The following NF2 variants were observed in gnomAD, a reference collection of about 807,000 sequenced individuals.
NF2 encodes the protein NF2, moesin-ezrin-radixin like (MERLIN) tumor suppressor, also known as merlin.
NF2 carries 8 observed loss-of-function variants against 83.7 expected under a neutral mutation model. The observed-to-expected ratio is 0.10, with a 90% CI of 0.06 to 0.17. The LOEUF (loss-of-function observed/expected upper bound fraction) is 0.17, where lower values mean the gene tolerates loss of function less well. Among genes scored for constraint, NF2 ranks in the 10% least tolerant of loss-of-function variants. The pLI is 1.00. For synonymous variants in NF2, 266 were observed against 269.6 expected (o/e 0.99, Z 0.13); for missense variants, 533 against 744.4 (o/e 0.72, Z 3.31).
chr22:29,607,742 A>G (rs1265983246), intron 1 of NF2, among the ~76,000 whole-genome samples: 1 of 152,192 alleles, frequency 6.6e-6, no homozygotes, highest in Non-Finnish European at 1.5e-5. Context: ...TCACAGTACT[A>G]TATATATTCA....
At chr22:29,654,334 G>T (rs1345211121) in intron 4 of NF2, among the ~76,000 whole-genome samples, 1 of 152,174 alleles carries the variant, frequency 6.6e-6, no homozygotes, top group Non-Finnish European at 1.5e-5. Context: ...GTGATTTGGT[G>T]TTTTAATTCA....
At chr22:29,624,818 TTTCTTTCTTTC>T (rs2065307704) in intron 1 of NF2, among the ~76,000 whole-genome samples, 1 of 129,728 alleles carries the variant, frequency 7.7e-6, no homozygotes, top group African/African-American at 3.0e-5. Context: ...TCTTTCTTTC[TTTCTTTCTTTC>T]TTTCTTTCTT....
chr22:29,639,038 C>T (rs1360902022), intron 2 of NF2, 52 bp from the exon 3 acceptor site: 4 of 1,613,700 alleles, frequency 2.5e-6, no homozygotes, highest in Non-Finnish European at 3.4e-6. Context: ...GAGGGTAGCA[C>T]AGGAGGAAGT....
chr22:29,679,779 T>C (rs1449610358), intron 14 of NF2, among the ~76,000 whole-genome samples: 1 of 151,280 alleles, frequency 6.6e-6, no homozygotes, highest in Non-Finnish European at 1.5e-5. Flanking sequence ...GGTGGGAGGA[T>C]TGCTTGAGCC....
At chr22:29,641,089 C>T (rs767972618) in intron 3 of NF2, among the ~76,000 whole-genome samples, 1 of 152,154 alleles carries the variant, frequency 6.6e-6, no homozygotes, top group Non-Finnish European at 1.5e-5. Flanking sequence ...GCCGAGATTG[C>T]GCCATTGCAC....
intron 1 of NF2, among the ~76,000 whole-genome samples, chr22:29,605,196 C>T (rs933875439): frequency 1.3e-5 from 2 of 149,950 alleles, no homozygotes; most frequent in Admixed American, 1.3e-4. Flanking sequence ...CGCTCTGTCA[C>T]CCAGAGTGCA....
intron 14 of NF2, among the ~76,000 whole-genome samples, chr22:29,679,540 A>G (rs1160204138): frequency 6.6e-6 from 1 of 152,212 alleles, no homozygotes; most frequent in African/African-American, 2.4e-5. Flanking sequence ...CTGTAACAAA[A>G]TACCAGAGGC....
At position 29,678,056 on chromosome 22, in the gene NF2, G is replaced by A. The variant is rs2147106975; in HGVS notation, c.1447-140G>A. On this transcript the variant is annotated intron_variant, in intron 13 of 15. Coordinates refer to ENST00000338641, the MANE Select transcript of NF2 (RefSeq NM_000268.4). ...TGGAGGGAGTGAAGTGGAGGGATGG[G>A]GACTCGTGGTGGCATTGGGAGGTGG... The A allele has an allele frequency of 5.1e-6, 5 of 987,384 alleles. No individual in the cohort carries two copies. In the East Asian group the frequency reaches 9.8e-5, roughly 19 times the overall value. The allele number at this position is 987,384 out of a possible 1,614,324, so 61.2% of individuals were successfully genotyped here.
intron 10 of NF2, among the ~76,000 whole-genome samples, chr22:29,670,537 GTA>G (rs2066755156): frequency 6.7e-6 from 1 of 148,712 alleles, no homozygotes; most frequent in African/African-American, 2.5e-5. Flanking sequence ...GTGTGTGTGT[GTA>G]TTTGGCTTAG....
chr22:29,612,384 G>A (rs1015185707), intron 1 of NF2, among the ~76,000 whole-genome samples: 11 of 151,514 alleles, frequency 7.3e-5, no homozygotes, highest in African/African-American at 2.7e-4. Context: ...GTGCAGTGGT[G>A]CAATCATATC....
intron 4 of NF2, among the ~76,000 whole-genome samples, chr22:29,646,455 A>G (rs2065984241): frequency 6.6e-6 from 1 of 152,166 alleles, no homozygotes; most frequent in African/African-American, 2.4e-5. Context: ...ACATTTGTCT[A>G]AGTTCTTCAG....
At chr22:29,661,112 CAT>C in intron 7 of NF2, 91 bp from the exon 8 acceptor site, 1 of 1,569,268 alleles carries the variant, frequency 6.4e-7, no homozygotes, top group Non-Finnish European at 8.7e-7. Context: ...AAACTTGTCA[CAT>C]GTGACAGTGT....
intron 15 of NF2, among the ~76,000 whole-genome samples, chr22:29,691,154 T>C (rs2147158303): frequency 6.6e-6 from 1 of 152,344 alleles, no homozygotes; most frequent in Middle Eastern, 3.4e-3. Flanking sequence ...ACCTTCAAGA[T>C]ACTCATTGTG....
At position 29,603,684 on chromosome 22, in the gene NF2, T is replaced by C. The variant is rs1176347006; in HGVS notation, c.-315T>C. 2.3e-6 allele frequency: 1 copy of C among 428,554 alleles called. No homozygotes were observed. The highest frequency in any genetic ancestry group is 4.1e-6 in the Non-Finnish European group (1 of 243,630). 26.5% of individuals were successfully genotyped at this position (428,554 alleles called of 1,614,324 possible). ...GCGCGGAGTCTGGGCCGCTGCCGTC[T>C]AGGGGTCCCGTCCCGAGGCGTCCCC... On this transcript the variant is annotated 5_prime_UTR_variant, in exon 1 of 16. Coordinates refer to ENST00000338641, the MANE Select transcript of NF2 (RefSeq NM_000268.4).
Position 29,696,422 on chromosome 22 carries a change from C to T in NF2, c.*1620C>T. ...AGATCCTTCCAGTTTGGCTGTTATG[C>T]AAAGCAGGTGATTTGTCTTAATCAG... On this transcript the variant is annotated 3_prime_UTR_variant, in exon 16 of 16. Coordinates refer to ENST00000338641, the MANE Select transcript of NF2 (RefSeq NM_000268.4). 1 of 222,382 alleles carries T rather than the reference C, an allele frequency of 4.5e-6. No homozygotes were observed. The highest frequency in any genetic ancestry group is 9.0e-6 in the Non-Finnish European group (1 of 111,174). 13.8% of individuals were successfully genotyped at this position (222,382 alleles called of 1,614,324 possible). A position where few individuals can be genotyped will look rare whatever the true frequency, so the allele number is the denominator to read the frequency against.
chr22:29,674,714 T>G (rs2066907898), intron 12 of NF2, 122 bp from the exon 13 acceptor site: 1 of 785,914 alleles, frequency 1.3e-6, no homozygotes, highest in Admixed American at 2.0e-5. Flanking sequence ...ACTGTCCTTT[T>G]TCACCTCTTT....
In NF2 at chr22:29,644,753, C is replaced by T. The variant is rs575596483; in HGVS notation, c.447+2468C>T. Among the ~76,000 whole-genome samples the T allele has an allele frequency of 3.0e-4, 45 of 152,338 alleles. No homozygotes were observed. The South Asian group carries it at 8.9e-3, about 30-fold the overall frequency. On this transcript the variant is annotated intron_variant, in intron 4 of 15. Transcript: ENST00000338641. ...GGCCAACACAGCGAAACCCCGTCTC[C>T]ACCAAAAAAATACGAAAACCCGTCA...
rs529983928 is a variant in NF2, at chr22:29,696,461, G to A, written c.*1659G>A. The stretch of plus-strand genomic sequence containing the variant: ...TGTCTTAATCAGATAAAAGATAGAG[G>A]CTATGGGGGCCTCAAGATTTTTGGA... On this transcript the variant is annotated 3_prime_UTR_variant, in exon 16 of 16. Transcript: ENST00000338641. The A allele has an allele frequency of 4.5e-6, 1 of 221,100 alleles. No individual in the cohort carries two copies. The highest frequency in any genetic ancestry group is 1.8e-4 in the South Asian group (1 of 5,438). The allele number at this position is 221,100 out of a possible 1,614,324, so 13.7% of individuals were successfully genotyped here.
Position 29,681,613 on chromosome 22 carries a change from C to G in NF2, c.1737+12C>G. On this transcript the variant is annotated intron_variant, in intron 15 of 15. Transcript: ENST00000338641. ...ATACCATTAAAAAGGTACCCAGGGTCTCTTTCTTGTATTTTGCTGATCAGG... is the reference window on the plus strand; with the variant it reads ...ATACCATTAAAAAGGTACCCAGGGTGTCTTTCTTGTATTTTGCTGATCAGG... 6.2e-7 allele frequency: 1 copy of G among 1,613,748 alleles called. No individual in the cohort carries two copies. Among genetic ancestry groups the G allele is most frequent in the Non-Finnish European group, 8.5e-7 (1 of 1,179,938 alleles).
Sources: gnomAD v4.1 joint callset for allele counts (sites outside exome capture counted in the v4.1 genomes callset) on GRCh38, gnomAD v4.1.1 for gene constraint, MANE v1.5 for transcripts, NCBI Gene and HGNC (gene_info 2026-07-23, HGNC 2026-07-21) for gene names.